Variants in NUDT3 observed in about 807,000 individuals in gnomAD.
NUDT3 encodes the protein diphosphoinositol polyphosphate phosphohydrolase 1.
A neutral mutation model predicts 23.6 loss-of-function variants in NUDT3; 9 were observed. The ratio of observed to expected loss-of-function variants is 0.38; its 90% CI spans 0.23 to 0.66. The LOEUF is 0.66. Ranked by LOEUF, NUDT3 falls within the 30% of genes least tolerant of loss-of-function variation. NUDT3 has a pLI of 0.52. For synonymous variants in NUDT3, 86 were observed against 82.6 expected, an observed-to-expected ratio of 1.04 and a Z score of -0.22; for missense variants, 172 against 218.5, an observed-to-expected ratio of 0.79 and a Z score of 1.34.
chr6:34,291,290 T>A (rs1367011594), intron 4 of NUDT3, among the ~76,000 whole-genome samples: 1 of 152,240 alleles, frequency 6.6e-6, no homozygotes, highest in African/African-American at 2.4e-5. Context: ...GCTATTTTTT[T>A]AAAACGTTCC....
Position 34,282,106 on chromosome 6 carries a change from G to T in NUDT3, c.*6647C>A, listed in dbSNP as rs1763286629. 1 of 152,154 alleles carries T rather than the reference G, an allele frequency of 6.6e-6. No individual in the cohort carries two copies. Among genetic ancestry groups the T allele is most frequent in the Non-Finnish European group, 1.5e-5 (1 of 68,042 alleles). 9.4% of individuals were successfully genotyped at this position (152,154 alleles called of 1,614,324 possible). On this transcript the variant is annotated 3_prime_UTR_variant, in exon 5 of 5. Coordinates refer to ENST00000607016, the MANE Select transcript of NUDT3 (RefSeq NM_006703.4). ...TGGCATAAGTCATATCTGTTATGCTGCAGGAACTGAGTAACCAAAGCTAGA... is the reference window on the plus strand; with the variant it reads ...TGGCATAAGTCATATCTGTTATGCTTCAGGAACTGAGTAACCAAAGCTAGA...
chr6:34,313,806 CAA>C (rs1226678986), intron 2 of NUDT3, among the ~76,000 whole-genome samples: 33 of 151,468 alleles, frequency 2.2e-4, no homozygotes, highest in Admixed American at 9.2e-4. Flanking sequence ...ACTAAAAATA[CAA>C]AAAATTAGGC....
intron 2 of NUDT3, among the ~76,000 whole-genome samples, chr6:34,327,560 G>T (rs1764059752): frequency 6.6e-6 from 1 of 150,844 alleles, no homozygotes; most frequent in Admixed American, 6.6e-5. Context: ...AAAGATCAAA[G>T]ATTTTAAGAC....
rs1173210965 is a variant in NUDT3 at position 34,284,301 on chromosome 6, T to C, written c.*4452A>G. The C allele has an allele frequency of 2.0e-5, 3 of 152,214 alleles. No individual in the cohort carries two copies. Among genetic ancestry groups the C allele is most frequent in the African/African-American group, 7.2e-5 (3 of 41,450 alleles). The allele number at this position is 152,214 out of a possible 1,614,324, so 9.4% of individuals were successfully genotyped here. ...TAAAGATGAGGGTTATTTTCTGAAA[T>C]GCAGATGGGACTAGGATGAAGCTGT... On this transcript the variant is annotated 3_prime_UTR_variant, in exon 5 of 5. Coordinates refer to ENST00000607016, the MANE Select transcript of NUDT3 (RefSeq NM_006703.4).
At chr6:34,351,226 A>AAAAAAAAAAAAAAAAAAAAAC (rs1554154786) in intron 1 of NUDT3, among the ~76,000 whole-genome samples, 4 of 133,974 alleles carry the variant, frequency 3.0e-5, no homozygotes, top group African/African-American at 1.3e-4. Flanking sequence ...AAAAAAAAAA[A>AAAAAAAAAAAAAAAAAAAAAC]CACTTTGGGA....
intron 1 of NUDT3, among the ~76,000 whole-genome samples, chr6:34,379,163 G>C (rs1429715383): frequency 6.6e-6 from 1 of 152,100 alleles, no homozygotes; most frequent in Non-Finnish European, 1.5e-5. Flanking sequence ...ACCTATATCA[G>C]TATTTGTTTA....
At chr6:34,370,912 T>C (rs543817480) in intron 1 of NUDT3, among the ~76,000 whole-genome samples, 1 of 151,274 alleles carries the variant, frequency 6.6e-6, no homozygotes, top group South Asian at 2.1e-4. Context: ...AAGACCAGCC[T>C]AACCAACATG....
rs71000051 is a variant in NUDT3, at chr6:34,351,198, TAAAAAAAAAAAAAAA to T, written c.100-9241_100-9227del. Among the ~76,000 whole-genome samples the T allele has an allele frequency of 2.1e-3, 37 of 17,898 alleles. 1 individual carries two copies. In the South Asian group the frequency reaches 0.091, roughly 44 times the overall value. The allele number at this position is 17,898 out of a possible 152,430, so 11.7% of individuals were successfully genotyped here. On this transcript the variant is annotated intron_variant, in intron 1 of 4. Transcript: ENST00000607016. ...GACCTCGTCTCTACACTCCCCTGCC[TAAAAAAAAAAAAAAA>T]AAAAAAAAAAAAACACTTTGGGAGG... is the stretch of plus-strand genomic sequence containing the variant.
chr6:34,368,539 A>C (rs1764775326), intron 1 of NUDT3, among the ~76,000 whole-genome samples: 1 of 152,216 alleles, frequency 6.6e-6, no homozygotes, highest in Non-Finnish European at 1.5e-5. Flanking sequence ...GGAAAAACAA[A>C]AACACAGTAT....
chr6:34,362,475 C>T (rs1242748384), intron 1 of NUDT3, among the ~76,000 whole-genome samples: 1 of 152,082 alleles, frequency 6.6e-6, no homozygotes, highest in Admixed American at 6.6e-5. Flanking sequence ...TGGGCTAGCT[C>T]ATGGATTAAA....
intron 2 of NUDT3, among the ~76,000 whole-genome samples, chr6:34,298,874 A>G (rs573638301): frequency 7.2e-5 from 11 of 152,194 alleles, no homozygotes; most frequent in Non-Finnish European, 1.0e-4. Context: ...TTCCCTATTT[A>G]CCAATTTTAA....
intron 1 of NUDT3, among the ~76,000 whole-genome samples, chr6:34,373,082 A>G (rs1221400971): frequency 2.0e-5 from 3 of 151,890 alleles, no homozygotes; most frequent in Admixed American, 2.0e-4. Flanking sequence ...GATCGAGACC[A>G]TCCTGGCTAA....
intron 1 of NUDT3, among the ~76,000 whole-genome samples, chr6:34,372,586 T>C (rs986072376): frequency 2.0e-5 from 3 of 151,852 alleles, no homozygotes; most frequent in Non-Finnish European, 4.4e-5. Context: ...GGGGAGATCA[T>C]CTGAGGTCAC....
chr6:34,280,356 A>C lies in NUDT3; in HGVS notation c.*8397T>G, dbSNP rs1440594183. On this transcript the variant is annotated 3_prime_UTR_variant, in exon 5 of 5. Transcript: ENST00000607016. The stretch of plus-strand genomic sequence containing the variant: ...TTTTGGAAACAAGCAAACAAACAAA[A>C]AATGGAAACCAACACCATATAACCA... The C allele has an allele frequency of 6.6e-6, 1 of 152,262 alleles. No homozygotes were observed. Among genetic ancestry groups the C allele is most frequent in the Non-Finnish European group, 1.5e-5 (1 of 68,074 alleles). The allele number at this position is 152,262 out of a possible 1,614,324, so 9.4% of individuals were successfully genotyped here.
chr6:34,373,780 T>C (rs1212059861), intron 1 of NUDT3, among the ~76,000 whole-genome samples: 1 of 152,214 alleles, frequency 6.6e-6, no homozygotes, highest in African/African-American at 2.4e-5. Flanking sequence ...TAGATTACAC[T>C]TCTATAATTG....
intron 1 of NUDT3, among the ~76,000 whole-genome samples, chr6:34,382,072 CAAAAAAAA>C (rs957166787): frequency 2.9e-4 from 10 of 34,960 alleles, no homozygotes; most frequent in African/African-American, 6.5e-4. Flanking sequence ...GACTCTATCT[CAAAAAAAA>C]AAAAAAAAAA....
chr6:34,377,637 C>T (rs1764945772), intron 1 of NUDT3, among the ~76,000 whole-genome samples: 1 of 151,114 alleles, frequency 6.6e-6, no homozygotes, highest in Non-Finnish European at 1.5e-5. Context: ...AGTTTGAGAT[C>T]AGCCTGGCAA....
At chr6:34,376,231 C>T (rs1469269532) in intron 1 of NUDT3, among the ~76,000 whole-genome samples, 2 of 152,104 alleles carry the variant, frequency 1.3e-5, no homozygotes, top group Admixed American at 6.6e-5. Flanking sequence ...CATCTTCAAC[C>T]ATGAGCTCCT....
At chr6:34,311,723 A>G (rs1763775624) in intron 2 of NUDT3, among the ~76,000 whole-genome samples, 1 of 152,242 alleles carries the variant, frequency 6.6e-6, no homozygotes, top group Non-Finnish European at 1.5e-5. Context: ...AGAGACAAAT[A>G]AATAAATAGA....
Sources: gnomAD v4.1 joint callset for allele counts (sites outside exome capture counted in the v4.1 genomes callset) on GRCh38, gnomAD v4.1.1 for gene constraint, MANE v1.5 for transcripts, NCBI Gene and HGNC (gene_info 2026-07-23, HGNC 2026-07-21) for gene names.